Variants in LTA4H observed in about 807,000 individuals in gnomAD.
The protein encoded by LTA4H is leukotriene A4 hydrolase, also known as leukotriene A-4 hydrolase.
In LTA4H, 59 loss-of-function variants were observed where a neutral mutation model predicts 89.8. The ratio of observed to expected loss-of-function variants is 0.66; its 90% CI spans 0.53 to 0.82. LTA4H has a LOEUF of 0.82. Ranked by LOEUF, LTA4H falls within the 40% of genes least tolerant of loss-of-function variation. The pLI, the probability that LTA4H is intolerant of heterozygous loss-of-function variation, is 0.00. For missense variants in LTA4H, 617 were observed against 727.0 expected (o/e 0.85, Z 1.74); for synonymous variants, 227 against 253.1 (o/e 0.90, Z 0.98).
chr12:96,009,338 A>G (rs1950258972), intron 14 of LTA4H, 190 bp from the exon 15 acceptor site: 2 of 559,898 alleles, frequency 3.6e-6, no homozygotes, highest in South Asian at 2.2e-5. Context: ...TCACAAACCC[A>G]AATGGATACC....
chr12:96,032,800 C>A (rs1289062874), intron 1 of LTA4H, among the ~76,000 whole-genome samples: 2 of 152,126 alleles, frequency 1.3e-5, no homozygotes, highest in African/African-American at 4.8e-5. Context: ...AATGTAAAAA[C>A]AATGAGCAGA....
intron 14 of LTA4H, 43 bp from the exon 15 acceptor site, chr12:96,009,191 T>C: frequency 7.2e-7 from 1 of 1,389,688 alleles, no homozygotes; most frequent in Non-Finnish European, 1.0e-6. Flanking sequence ...GCACGTGCTT[T>C]TGCAGAAATG....
At position 96,035,413 on chromosome 12, in the gene LTA4H, G is replaced by C. The variant is rs770606531; in HGVS notation, c.107C>G (p.Thr36Ser). The C allele has an allele frequency of 1.5e-5, 24 of 1,611,128 alleles. No individual in the cohort carries two copies. Among genetic ancestry groups the C allele is most frequent in the Non-Finnish European group, 1.9e-5 (22 of 1,178,854 alleles). Residue 36 changes from threonine to serine, a missense_variant, in exon 1 of 19, where the codon ACC becomes AGC. This residue lies in a region of LTA4H where 155 missense variants were observed against 143.3 expected (regional missense o/e 1.08). Transcript: ENST00000228740. Reference protein sequence around the residue: ...CSVDFTRRTLTGTAALTVQSQ... With the variant: ...CSVDFTRRTLSGTAALTVQSQ... ...CTGGACCGTGAGAGCAGCAGTCCCGGTCAGCGTCCGGCGAGTAAAGTCGAC... is the reference window on the plus strand; with the variant it reads ...CTGGACCGTGAGAGCAGCAGTCCCGCTCAGCGTCCGGCGAGTAAAGTCGAC...
chr12:96,009,140 A>G lies in LTA4H; in HGVS notation c.1388T>C (p.Met463Thr), dbSNP rs1481138549. 2 of 1,601,790 alleles carry G rather than the reference A, an allele frequency of 1.2e-6. No individual in the cohort carries two copies. The highest frequency in any genetic ancestry group is 1.3e-5 in the African/African-American group (1 of 74,720). ...GGCAATACAAGCATTTGTCAGAGTC[A>G]TATCATAACTGCAAAGATAAAGATT... is the stretch of plus-strand genomic sequence containing the variant. ...GLPPIKPNYD[M>T]TLTNACIALS... The change falls in exon 15 of 19, where the codon ATG (methionine) becomes ACG (threonine). Residue 463 changes from methionine to threonine, a missense_variant. Physicochemically the swap from Met to Thr is moderately conservative, Grantham distance 81 (BLOSUM62 -1). Transcript: ENST00000228740.
chr12:96,008,156 C>T (rs922272960), intron 15 of LTA4H, among the ~76,000 whole-genome samples: 4 of 152,056 alleles, frequency 2.6e-5, no homozygotes, highest in African/African-American at 7.3e-5. Flanking sequence ...ACAATATGCA[C>T]GTGTAACAAA....
At position 96,015,647 on chromosome 12, in the gene LTA4H, C is replaced by T. The variant is rs776885277; in HGVS notation, c.995G>A (p.Arg332Gln). 1.9e-5 allele frequency: 31 copies of T among 1,613,924 alleles called. No individual in the cohort carries two copies. The highest frequency in any genetic ancestry group is 8.3e-5 in the Admixed American group (5 of 59,984). The change falls in exon 11 of 19, where the codon CGA (arginine) becomes CAA (glutamine). Residue 332 changes from arginine to glutamine, a missense_variant. Around this residue, in one of 3 missense-constraint regions of LTA4H, gnomAD observed 290 missense variants for 339.1 expected, o/e 0.86. Transcript: ENST00000228740. ...TVYLERHICG[R>Q]LFGEKFRHFN... Reference sequence around the variant, plus strand: ...ATGTCTGAACTTTTCACCAAACAATCGTCCGCAAATGTGGCGTTCCAAGTA... The same window carrying T: ...ATGTCTGAACTTTTCACCAAACAATTGTCCGCAAATGTGGCGTTCCAAGTA...
Position 96,027,431 on chromosome 12 carries a change from G to T in LTA4H, c.411+13C>A. ...ATTTTCTGCATCAGAAATCATTCTGGAATCCTTTTTACCTGGCACTGACTA... is the reference window on the plus strand; with the variant it reads ...ATTTTCTGCATCAGAAATCATTCTGTAATCCTTTTTACCTGGCACTGACTA... On this transcript the variant is annotated intron_variant, in intron 3 of 18. Coordinates refer to ENST00000228740, the MANE Select transcript of LTA4H (RefSeq NM_000895.3). 6.4e-7 allele frequency: 1 copy of T among 1,559,832 alleles called. No individual in the cohort carries two copies. The highest frequency in any genetic ancestry group is 1.2e-5 in the South Asian group (1 of 81,524).
chr12:96,000,983 A>G lies in LTA4H; in HGVS notation c.*6T>C, dbSNP rs780923024. The G allele has an allele frequency of 2.6e-6, 4 of 1,552,758 alleles. No individual in the cohort carries two copies. Among genetic ancestry groups the G allele is most frequent in the Non-Finnish European group, 3.6e-6 (4 of 1,124,312 alleles). ...GAAATCTCTAAAATCATCAATACGCAGGTCTTTAATCCACTTTTAAGTCTT... is the reference window on the plus strand; with the variant it reads ...GAAATCTCTAAAATCATCAATACGCGGGTCTTTAATCCACTTTTAAGTCTT... On this transcript the variant is annotated 3_prime_UTR_variant, in exon 19 of 19. Coordinates refer to ENST00000228740, the MANE Select transcript of LTA4H (RefSeq NM_000895.3).
At position 96,019,149 on chromosome 12, in the gene LTA4H, G is replaced by C. The variant is rs776862005; in HGVS notation, c.711+19C>G. The C allele has an allele frequency of 1.2e-6, 2 of 1,601,262 alleles. No homozygotes were observed. Among genetic ancestry groups the C allele is most frequent in the Non-Finnish European group, 1.7e-6 (2 of 1,172,894 alleles). On this transcript the variant is annotated intron_variant, in intron 7 of 18. Coordinates refer to ENST00000228740, the MANE Select transcript of LTA4H (RefSeq NM_000895.3). Reference sequence around the variant, plus strand: ...TACTGTCTATCACAATGATTACAAAGGATAACTAAATGACCAACCTCAGAA... The same window carrying C: ...TACTGTCTATCACAATGATTACAAACGATAACTAAATGACCAACCTCAGAA...
At chr12:96,013,358 T>G in intron 13 of LTA4H, 100 bp from the exon 14 acceptor site, 1 of 666,622 alleles carries the variant, frequency 1.5e-6, no homozygotes, top group Admixed American at 2.6e-5. Context: ...TTGTCTAATC[T>G]GCTATATCAA....
rs1565998521 is a variant in LTA4H at position 96,000,927 on chromosome 12, A to G, written c.*62T>C. 1.7e-6 allele frequency: 2 copies of G among 1,175,672 alleles called. No homozygotes were observed. Among genetic ancestry groups the G allele is most frequent in the Non-Finnish European group, 1.3e-6 (1 of 787,782 alleles). The allele number at this position is 1,175,672 out of a possible 1,614,324, so 72.8% of individuals were successfully genotyped here. On this transcript the variant is annotated 3_prime_UTR_variant, in exon 19 of 19. Transcript: ENST00000228740. Reference sequence around the variant, plus strand: ...AGTTTTAATTGTGAGCTGAAGTTTTATATTTCTTTACGAATTCCATTTAAA... The same window carrying G: ...AGTTTTAATTGTGAGCTGAAGTTTTGTATTTCTTTACGAATTCCATTTAAA...
At position 96,019,073 on chromosome 12, in the gene LTA4H, T is replaced by C. The variant is rs1592886083; in HGVS notation, c.711+95A>G. 1.5e-5 allele frequency: 19 copies of C among 1,250,928 alleles called. No homozygotes were observed. The East Asian group carries it at 4.2e-4, about 28-fold the overall frequency. 77.5% of individuals were successfully genotyped at this position (1,250,928 alleles called of 1,614,324 possible). On this transcript the variant is annotated intron_variant, in intron 7 of 18. Coordinates refer to ENST00000228740, the MANE Select transcript of LTA4H (RefSeq NM_000895.3). The stretch of plus-strand genomic sequence containing the variant: ...ATCTACATAAAAGACAATCTGGTTC[T>C]TTCCCCGTATCACTTAAAACCATCA...
At chr12:96,028,878 G>A (rs1950540800) in intron 2 of LTA4H, among the ~76,000 whole-genome samples, 177 bp downstream of exon 2, 1 of 152,138 alleles carries the variant, frequency 6.6e-6, no homozygotes, top group East Asian at 1.9e-4. Context: ...AGTATCTTAA[G>A]TATATATAAT....
intron 14 of LTA4H, 61 bp downstream of exon 14, chr12:96,013,127 T>C: frequency 7.8e-7 from 1 of 1,277,372 alleles, no homozygotes; most frequent in Non-Finnish European, 1.1e-6. Flanking sequence ...CTTTCAGATA[T>C]TTTGAGGCTC....
upstream of LTA4H, among the ~76,000 whole-genome samples, chr12:96,037,692 CTTTTTTTT>C (rs1205832896): frequency 8.8e-6 from 1 of 114,192 alleles, no homozygotes; most frequent in Non-Finnish European, 1.7e-5. Context: ...ATTGAGAAAG[CTTTTTTTT>C]TTTTTTTTTT....
Position 96,024,398 on chromosome 12 carries a change from C to A in LTA4H, c.480+81G>T. ...AAAAATAATTCTAGCTCTAGGAATT[C>A]AATTATCATCTCTGCTTATCATTTA... On this transcript the variant is annotated intron_variant, in intron 4 of 18. Transcript: ENST00000228740. The A allele has an allele frequency of 3.7e-6, 3 of 813,322 alleles. No homozygotes were observed. In the Admixed American group the frequency reaches 6.6e-5, roughly 18 times the overall value. 50.4% of individuals were successfully genotyped at this position (813,322 alleles called of 1,614,324 possible).
intron 16 of LTA4H, among the ~76,000 whole-genome samples, chr12:96,004,820 A>C (rs1950171795): frequency 6.6e-6 from 1 of 152,002 alleles, no homozygotes; most frequent in African/African-American, 2.4e-5. Context: ...GGTCATCTCC[A>C]AGGCTCCCTG....
At chr12:96,040,819 A>C (rs1364111627) in intron 1 of LTA4H, among the ~76,000 whole-genome samples, 1 of 152,210 alleles carries the variant, frequency 6.6e-6, no homozygotes, top group East Asian at 1.9e-4. Context: ...CTCAATCTTT[A>C]CTAAGACTCC....
In LTA4H at chr12:96,022,510, C is replaced by T. The variant is rs1166519309; in HGVS notation, c.481-259G>A. On this transcript the variant is annotated intron_variant, in intron 4 of 18. Coordinates refer to ENST00000228740, the MANE Select transcript of LTA4H (RefSeq NM_000895.3). This position sits in a 1 kb window ranked among gnomAD's most constrained non-coding sequence, Gnocchi z 4.0. ...CATATACAAAAAGTATATATATACACATATACATATCAGTTTTGTAAATAA... is the reference window on the plus strand; with the variant it reads ...CATATACAAAAAGTATATATATACATATATACATATCAGTTTTGTAAATAA... Among the ~76,000 whole-genome samples the T allele has an allele frequency of 1.3e-5, 2 of 151,824 alleles. No individual in the cohort carries two copies. Among genetic ancestry groups the T allele is most frequent in the East Asian group, 1.9e-4 (1 of 5,184 alleles).
Sources: allele counts gnomAD v4.1 joint callset (sites outside exome capture counted in the v4.1 genomes callset), GRCh38; gene constraint gnomAD v4.1.1; regional missense constraint gnomAD v4.1.1; non-coding constraint Gnocchi (gnomAD v3.1); transcripts MANE v1.5; gene names NCBI Gene and HGNC (gene_info 2026-07-23, HGNC 2026-07-21).